The following DNMBP variants were observed in gnomAD, a reference collection of about 807,000 sequenced individuals.
DNMBP encodes the protein dynamin binding protein, also known as dynamin-binding protein.
A neutral mutation model predicts 150.0 loss-of-function variants in DNMBP; 87 were observed. The observed-to-expected ratio is 0.58, with a 90% CI of 0.49 to 0.69. The LOEUF (loss-of-function observed/expected upper bound fraction) is 0.69, where lower values mean the gene tolerates loss of function less well. DNMBP is among the 30% of genes least tolerant of loss of function. DNMBP has a pLI of 0.00. For synonymous variants in DNMBP, 711 were observed against 750.4 expected (o/e 0.95, Z 0.86); for missense variants, 1,774 against 1,949.0 (o/e 0.91, Z 1.69).
At chr10:99,966,319 C>G (rs1408377336) in intron 3 of DNMBP, among the ~76,000 whole-genome samples, 1 of 152,190 alleles carries the variant, frequency 6.6e-6, no homozygotes, top group Non-Finnish European at 1.5e-5. Flanking sequence ...CAGTGTATCC[C>G]CCTGCCCACA....
chr10:99,927,867 C>T (rs529527353), intron 4 of DNMBP, among the ~76,000 whole-genome samples: 44 of 152,116 alleles, frequency 2.9e-4, no homozygotes, highest in Non-Finnish European at 5.7e-4. Flanking sequence ...TTAAGTCAAA[C>T]AGAATAAACA....
At chr10:99,896,676 C>T (rs2039661525) in intron 9 of DNMBP, among the ~76,000 whole-genome samples, 1 of 152,204 alleles carries the variant, frequency 6.6e-6, no homozygotes, top group South Asian at 2.1e-4. Context: ...GGGTCTGCCA[C>T]TTAAGGTATG....
At chr10:99,883,607 C>T (rs1255018021) in intron 15 of DNMBP, among the ~76,000 whole-genome samples, 1 of 132,306 alleles carries the variant, frequency 7.6e-6, no homozygotes, top group East Asian at 2.2e-4. Context: ...TGCCACTGCA[C>T]TCCAGCCTGG....
At chr10:99,891,636 C>T (rs1211329204) in intron 11 of DNMBP, among the ~76,000 whole-genome samples, 103 of 150,114 alleles carry the variant, frequency 6.9e-4, no homozygotes, top group Non-Finnish European at 8.1e-4. Context: ...GGCCGCCCAT[C>T]GTCTGGGATG....
intron 4 of DNMBP, among the ~76,000 whole-genome samples, chr10:99,933,410 G>A (rs1023678171): frequency 6.6e-6 from 1 of 152,212 alleles, no homozygotes; most frequent in African/African-American, 2.4e-5. Context: ...CACCTTTACT[G>A]TGTAGAAATA....
intron 1 of DNMBP, among the ~76,000 whole-genome samples, chr10:99,987,144 G>A (rs1457268482): frequency 1.5e-5 from 2 of 132,476 alleles, no homozygotes; most frequent in Non-Finnish European, 3.1e-5. Context: ...GACAGAGCAA[G>A]ACTCCATCTC....
rs1176543478 is a variant in DNMBP at position 99,969,716 on chromosome 10, G to A, written c.146-479C>T. Among the ~76,000 whole-genome samples the A allele has an allele frequency of 2.6e-5, 4 of 152,232 alleles. No homozygotes were observed. The East Asian group carries it at 7.7e-4, about 29-fold the overall frequency. ...ACGGTGGACAAGGTTTTAATAGGTGGTGGGAGAAAGACAGGGCCTGCCAGT... is the reference window on the plus strand; with the variant it reads ...ACGGTGGACAAGGTTTTAATAGGTGATGGGAGAAAGACAGGGCCTGCCAGT... On this transcript the variant is annotated intron_variant, in intron 2 of 16. Coordinates refer to ENST00000324109, the MANE Select transcript of DNMBP (RefSeq NM_015221.4).
chr10:99,896,379 C>A lies in DNMBP; in HGVS notation c.2939G>T (p.Gly980Val). 1 of 1,614,114 alleles carries A rather than the reference C, an allele frequency of 6.2e-7. No homozygotes were observed. The highest frequency in any genetic ancestry group is 8.5e-7 in the Non-Finnish European group (1 of 1,180,010). ...RKDLVLKYRKGDEDSLMEKIS... is the reference protein window; with the variant it reads ...RKDLVLKYRKVDEDSLMEKIS... ...TTTCTCCATAAGGCTATCTTCATCA[C>A]CCTTACGGTACTTGAGGACTAGGGA... is the stretch of plus-strand genomic sequence containing the variant. The change falls in exon 10 of 17, where the codon GGT becomes GTT. Residue 980 changes from glycine (G) to valine (V), a missense_variant. This residue lies in a region of DNMBP where 1,430 missense variants were observed against 1,492.5 expected (regional missense o/e 0.96). Coordinates refer to ENST00000324109, the MANE Select transcript of DNMBP (RefSeq NM_015221.4).
chr10:99,983,812 T>C (rs1420100497), intron 1 of DNMBP, among the ~76,000 whole-genome samples: 1 of 152,148 alleles, frequency 6.6e-6, no homozygotes. Context: ...TGAAACTACT[T>C]ATATTGCAAC....
At chr10:99,942,581 T>C (rs1303758900) in intron 4 of DNMBP, among the ~76,000 whole-genome samples, 1 of 152,164 alleles carries the variant, frequency 6.6e-6, no homozygotes, top group Non-Finnish European at 1.5e-5. Context: ...AAACCAATAC[T>C]TAAGTACCTC....
chr10:99,880,586 T>C (rs2039351881), intron 15 of DNMBP, among the ~76,000 whole-genome samples: 1 of 152,130 alleles, frequency 6.6e-6, no homozygotes. Context: ...TAGGTAGAGA[T>C]GAAGAGCCGC....
At chr10:100,003,753 A>G (rs1224904917) in intron 1 of DNMBP, among the ~76,000 whole-genome samples, 1 of 152,108 alleles carries the variant, frequency 6.6e-6, no homozygotes, top group East Asian at 1.9e-4. Flanking sequence ...TGGTGGCTGC[A>G]GTGAGCTATC....
chr10:99,902,022 C>A (rs1211384025), intron 6 of DNMBP, among the ~76,000 whole-genome samples: 1 of 151,698 alleles, frequency 6.6e-6, no homozygotes, highest in Non-Finnish European at 1.5e-5. Context: ...CCGACCTCAG[C>A]CTCCTGAGTA....
chr10:99,894,914 G>T, intron 11 of DNMBP, 32 bp downstream of exon 11: 2 of 1,486,000 alleles, frequency 1.3e-6, no homozygotes, highest in Non-Finnish European at 1.9e-6. Flanking sequence ...TACATCGTAT[G>T]TTAATCTAAC....
At chr10:99,884,622 A>T (rs1312304664) in intron 14 of DNMBP, among the ~76,000 whole-genome samples, 3 of 152,216 alleles carry the variant, frequency 2.0e-5, no homozygotes, top group African/African-American at 7.2e-5. Flanking sequence ...GTAATAATAA[A>T]TTCAGGCTGG....
chr10:99,959,054 A>G (rs1407367816), intron 3 of DNMBP, among the ~76,000 whole-genome samples: 1 of 152,230 alleles, frequency 6.6e-6, no homozygotes, highest in East Asian at 1.9e-4. Context: ...AACACATTGC[A>G]ACAGATTGAA....
At chr10:99,891,708 C>G (rs2133212337) in intron 11 of DNMBP, among the ~76,000 whole-genome samples, 1 of 148,628 alleles carries the variant, frequency 6.7e-6, no homozygotes, top group East Asian at 2.0e-4. Context: ...GCCCGGCCGC[C>G]ATCCCACCTG....
rs368614698 is a variant in DNMBP, at chr10:99,956,293, A to T, written c.1181T>A (p.Met394Lys). ...TGTGGGAGAGTCTGTGGCAAGAGGC[A>T]TTTCCCACTCCACGCCTGGGCTTCT... ...PPRSPGVEWEMPLATDSPTSD... is the reference protein window; with the variant it reads ...PPRSPGVEWEKPLATDSPTSD... The change falls in exon 4 of 17, where the codon ATG (methionine) becomes AAG (lysine). Residue 394 changes from methionine to lysine, a missense_variant. This residue lies in a region of DNMBP where 1,430 missense variants were observed against 1,492.5 expected (regional missense o/e 0.96). Coordinates refer to ENST00000324109, the MANE Select transcript of DNMBP (RefSeq NM_015221.4). 3.1e-6 allele frequency: 5 copies of T among 1,611,064 alleles called. No individual in the cohort carries two copies. The highest frequency in any genetic ancestry group is 4.2e-6 in the Non-Finnish European group (5 of 1,179,520).
In DNMBP at chr10:100,009,870, G is replaced by A. The variant is rs1331729184; in HGVS notation, c.-43C>T. The A allele has an allele frequency of 6.7e-6, 1 of 148,310 alleles. No individual in the cohort carries two copies. Among genetic ancestry groups the A allele is most frequent in the South Asian group, 2.1e-4 (1 of 4,826 alleles). 9.2% of individuals were successfully genotyped at this position (148,310 alleles called of 1,614,324 possible). On this transcript the variant is annotated 5_prime_UTR_variant, in exon 1 of 17. Coordinates refer to ENST00000324109, the MANE Select transcript of DNMBP (RefSeq NM_015221.4). ...CCGCCGCCCGGCGGTCCCTCGGCGC[G>A]GCAGGCAGTTGCAGCCGCCAGTCCC...
Sources: allele counts gnomAD v4.1 joint callset (sites outside exome capture counted in the v4.1 genomes callset), GRCh38; gene constraint gnomAD v4.1.1; regional missense constraint gnomAD v4.1.1; transcripts MANE v1.5; gene names NCBI Gene and HGNC (gene_info 2026-07-23, HGNC 2026-07-21).